The following GCNT2 variants were observed in gnomAD, a reference collection of about 807,000 sequenced individuals.
GCNT2 encodes N-acetyllactosaminide beta-1,6-N-acetylglucosaminyl-transferase.
In GCNT2, 34 loss-of-function variants were observed where a neutral mutation model predicts 34.2. The observed-to-expected ratio is 1.00, with a 90% CI of 0.76 to 1.32. The LOEUF (loss-of-function observed/expected upper bound fraction) is 1.32, where lower values mean the gene tolerates loss of function less well. GCNT2 is among the 40% of genes most tolerant of loss of function. GCNT2 has a pLI of 0.00. For synonymous variants in GCNT2, 212 were observed against 188.0 expected (o/e 1.13, Z -1.04); for missense variants, 584 against 489.4 (o/e 1.19, Z -1.82).
intron 3 of GCNT2, among the ~76,000 whole-genome samples, chr6:10,620,723 C>CT (rs2127444397): frequency 6.6e-6 from 1 of 152,268 alleles, no homozygotes; most frequent in African/African-American, 2.4e-5. Flanking sequence ...ATCTTGGAGT[C>CT]TAACTATGAT....
At chr6:10,565,961 G>A (rs541598148) in intron 3 of GCNT2, among the ~76,000 whole-genome samples, 4 of 151,986 alleles carry the variant, frequency 2.6e-5, no homozygotes, top group Non-Finnish European at 4.4e-5. Flanking sequence ...CTTCCCCTAC[G>A]GTGTATGGAT....
chr6:10,586,825 G>A (rs374501897), intron 3 of GCNT2: 38 of 1,612,896 alleles, frequency 2.4e-5, no homozygotes, highest in East Asian at 1.1e-4. Flanking sequence ...TTTGTTCTAC[G>A]TGACCAAAGG....
chr6:10,522,437 C>T (rs564870439), intron 1 of GCNT2, among the ~76,000 whole-genome samples: 3 of 152,082 alleles, frequency 2.0e-5, no homozygotes, highest in African/African-American at 4.8e-5. Flanking sequence ...CTTTGAGAGT[C>T]GTCACTTGTA....
intron 3 of GCNT2, among the ~76,000 whole-genome samples, chr6:10,594,808 G>A (rs1313115915): frequency 6.6e-6 from 1 of 151,866 alleles, no homozygotes; most frequent in Non-Finnish European, 1.5e-5. Context: ...TGGATAGGAG[G>A]AAATGTGTAA....
Position 10,563,762 on chromosome 6 carries a change from AAAAAAAAAAAAAAAAATATAT to A in GCNT2, c.925+33928_925+33948del, listed in dbSNP as rs1169167383. Reference sequence around the variant, plus strand: ...ATCTCAAAAAAAGAAAAAAGAAAAAAAAAAAAAAAAAAAAAATATATATATATATATATATATATATATATA... The same window carrying A: ...ATCTCAAAAAAAGAAAAAAGAAAAAAATATATATATATATATATATATATA... On this transcript the variant is annotated intron_variant, in intron 3 of 4. Transcript: ENST00000495262. 1.1e-4 allele frequency among the ~76,000 whole-genome samples: 5 copies of A among 46,182 alleles called. No homozygotes were observed. In the East Asian group the frequency reaches 2.2e-3, roughly 21 times the overall value. 30.3% of individuals were successfully genotyped at this position (46,182 alleles called of 152,430 possible). A position where few individuals can be genotyped will look rare whatever the true frequency, so the allele number is the denominator to read the frequency against.
intron 3 of GCNT2, chr6:10,556,614 T>G: frequency 1.2e-6 from 2 of 1,614,166 alleles, no homozygotes; most frequent in African/African-American, 1.3e-5. Context: ...AAAAACAAAC[T>G]AATGATCCAT....
chr6:10,593,342 CTTTGT>C (rs796726212), intron 3 of GCNT2, among the ~76,000 whole-genome samples: 117 of 152,004 alleles, frequency 7.7e-4, no homozygotes, highest in African/African-American at 2.7e-3. Flanking sequence ...TTGTTTTTGT[CTTTGT>C]TTTGTTTTGA....
At chr6:10,586,747 C>T in intron 3 of GCNT2, 1 of 1,614,096 alleles carries the variant, frequency 6.2e-7, no homozygotes. Flanking sequence ...TTGAAAACTT[C>T]ACCTCCACAT....
At chr6:10,584,917 C>T (rs488532) in intron 3 of GCNT2, among the ~76,000 whole-genome samples, 31,939 of 151,694 alleles carry the variant, frequency 0.21, 4,488 homozygotes, top group African/African-American at 0.4. Context: ...TTTACTTCAT[C>T]ATATGATATC....
At chr6:10,616,484 T>G (rs1030485957) in intron 3 of GCNT2, among the ~76,000 whole-genome samples, 1 of 152,230 alleles carries the variant, frequency 6.6e-6, no homozygotes, top group Non-Finnish European at 1.5e-5. Context: ...GAGAGCTGAT[T>G]GGTGCATTTA....
chr6:10,538,914 AT>A (rs1761909722), intron 3 of GCNT2, among the ~76,000 whole-genome samples: 1 of 152,106 alleles, frequency 6.6e-6, no homozygotes, highest in Admixed American at 6.6e-5. Flanking sequence ...GTTTCTTCCT[AT>A]GGGGACCTAT....
chr6:10,605,435 C>T (rs1462345110), intron 3 of GCNT2, among the ~76,000 whole-genome samples: 2 of 151,312 alleles, frequency 1.3e-5, no homozygotes, highest in Non-Finnish European at 2.9e-5. Context: ...GTCTTGAACT[C>T]CTGGGCTCAG....
intron 4 of GCNT2, among the ~76,000 whole-genome samples, chr6:10,625,251 A>T (rs1204632587): frequency 6.6e-6 from 1 of 152,148 alleles, no homozygotes; most frequent in Admixed American, 6.5e-5. Context: ...TTTCTAATGT[A>T]CCTTGCAAAA....
chr6:10,529,288 T>G lies in GCNT2; in HGVS notation c.377T>G (p.Val126Gly). ...AIYMPQNVYC[V>G]HLDQKATDAF... The stretch of plus-strand genomic sequence containing the variant: ...TATATGCCCCAAAATGTCTACTGTG[T>G]GCACCTGGATCAGAAGGCGACGGAT... The change falls in exon 3 of 5, where the codon GTG (valine) becomes GGG (glycine). Residue 126 changes from valine to glycine, a missense_variant. Transcript: ENST00000495262. The G allele has an allele frequency of 6.2e-7, 1 of 1,614,190 alleles. No homozygotes were observed. The highest frequency in any genetic ancestry group is 8.5e-7 in the Non-Finnish European group (1 of 1,180,028).
At chr6:10,568,955 T>C (rs1262565415) in intron 3 of GCNT2, among the ~76,000 whole-genome samples, 1 of 152,114 alleles carries the variant, frequency 6.6e-6, no homozygotes, top group African/African-American at 2.4e-5. Flanking sequence ...ATTTTATACC[T>C]TTATAAACCT....
Position 10,539,278 on chromosome 6 carries a change from C to A in GCNT2, c.925+9442C>A, listed in dbSNP as rs548585539. ...GATCTCGGCCCACTGCAACCTCTGC[C>A]TCCTGGGTTCAAGCGATTCCCCTGC... On this transcript the variant is annotated intron_variant, in intron 3 of 4. Coordinates refer to ENST00000495262, the MANE Select transcript of GCNT2 (RefSeq NM_145649.5). 6.4e-4 allele frequency among the ~76,000 whole-genome samples: 94 copies of A among 147,814 alleles called. 1 individual carries two copies. The East Asian group carries it at 0.013, about 20-fold the overall frequency.
Position 10,586,606 on chromosome 6 carries a change from A to T in GCNT2, c.926-34745A>T, listed in dbSNP as rs377565758. 3 of 1,614,094 alleles carry T rather than the reference A, an allele frequency of 1.9e-6. No homozygotes were observed. The African/African-American group carries it at 4.0e-5, about 22-fold the overall frequency. On this transcript the variant is annotated intron_variant, in intron 3 of 4. Coordinates refer to ENST00000495262, the MANE Select transcript of GCNT2 (RefSeq NM_145649.5). ...AAAACCAACCGGGAGATAGTTCAGC[A>T]TCTGAAAGGATTTAAAGGGAAAAAT...
intron 3 of GCNT2, among the ~76,000 whole-genome samples, chr6:10,546,084 G>C (rs1377014176): frequency 6.6e-6 from 1 of 152,098 alleles, no homozygotes; most frequent in African/African-American, 2.4e-5. Context: ...ATGCCTCACT[G>C]CTGAGCTTCC....
In GCNT2 at chr6:10,582,087, CA is replaced by C. The variant is rs535545027; in HGVS notation, c.926-39259del. 1.4e-4 allele frequency among the ~76,000 whole-genome samples: 20 copies of C among 140,690 alleles called. No homozygotes were observed. The South Asian group carries it at 4.0e-3, about 28-fold the overall frequency. 92.3% of individuals were successfully genotyped at this position (140,690 alleles called of 152,430 possible). A position where few individuals can be genotyped will look rare whatever the true frequency, so the allele number is the denominator to read the frequency against. ...GTAATATATATTTTAAATATGCATACAAAAATATATCTCTTAAAGTACATAT... is the reference window on the plus strand; with the variant it reads ...GTAATATATATTTTAAATATGCATACAAAATATATCTCTTAAAGTACATAT... On this transcript the variant is annotated intron_variant, in intron 3 of 4. Transcript: ENST00000495262.
Sources: gnomAD v4.1 joint callset for allele counts (sites outside exome capture counted in the v4.1 genomes callset) on GRCh38, gnomAD v4.1.1 for gene constraint, MANE v1.5 for transcripts, NCBI Gene and HGNC (gene_info 2026-07-23, HGNC 2026-07-21) for gene names.